The following CD58 variants were observed in gnomAD, a reference collection of about 807,000 sequenced individuals.
The protein encoded by CD58 is CD58 molecule.
In CD58, 14 loss-of-function variants were observed where a neutral mutation model predicts 27.6. That is an observed-to-expected ratio of 0.51 (90% CI 0.34 to 0.79). CD58 has a LOEUF of 0.79. Ranked by LOEUF, CD58 falls within the 30% of genes least tolerant of loss-of-function variation. CD58 has a pLI of 0.02. For missense variants in CD58, 268 were observed against 301.7 expected (o/e 0.89, Z 0.83); for synonymous variants, 117 against 103.8 (o/e 1.13, Z -0.77).
In CD58 at chr1:116,519,036, CAG is replaced by C; in HGVS notation, c.743+193_743+194del. The C allele has an allele frequency of 1.6e-6, 2 of 1,249,880 alleles. No homozygotes were observed. The highest frequency in any genetic ancestry group is 1.6e-5 in the South Asian group (1 of 62,344). 77.4% of individuals were successfully genotyped at this position (1,249,880 alleles called of 1,614,324 possible). A position where few individuals can be genotyped will look rare whatever the true frequency, so the allele number is the denominator to read the frequency against. Reference sequence around the variant, plus strand: ...TGAGAGGGTTCCAGGAAACGATATGCAGAGAGTGGCTAGTGCAGTGCATGGCA... The same window carrying C: ...TGAGAGGGTTCCAGGAAACGATATGCAGAGTGGCTAGTGCAGTGCATGGCA... On this transcript the variant is annotated intron_variant, in intron 5 of 5. Transcript: ENST00000369489. This position sits in a 1 kb window ranked among gnomAD's most constrained non-coding sequence, Gnocchi z 4.7.
At chr1:116,533,760 G>C (rs1445639772) in intron 3 of CD58, 2 of 710,896 alleles carry the variant, frequency 2.8e-6, no homozygotes, top group East Asian at 2.8e-5. Flanking sequence ...CAACATCACC[G>C]GTGATAAATT....
chr1:116,547,427 G>A lies in CD58; in HGVS notation c.71-2823C>T, dbSNP rs144263049. 1.1e-4 allele frequency among the ~76,000 whole-genome samples: 16 copies of A among 150,672 alleles called. 1 individual carries two copies. Among genetic ancestry groups the A allele is most frequent in the Non-Finnish European group, 1.5e-4 (10 of 67,786 alleles). On this transcript the variant is annotated intron_variant, in intron 1 of 5. Transcript: ENST00000369489. ...TAAAAGTTCCACCTCCCAGGCTCACGCCATTCTCCTGCCTCAGCCTCCTGA... is the reference window on the plus strand; with the variant it reads ...TAAAAGTTCCACCTCCCAGGCTCACACCATTCTCCTGCCTCAGCCTCCTGA...
Position 116,559,770 on chromosome 1 carries a change from T to C in CD58, c.70+11133A>G, listed in dbSNP as rs1658697849. ...TCAACTTCTTTCTGTACTTTCCTTC[T>C]AATATGATGCTAAAATAGTTTCCTT... On this transcript the variant is annotated intron_variant, in intron 1 of 5. Coordinates refer to ENST00000369489, the MANE Select transcript of CD58 (RefSeq NM_001779.3). The surrounding 1 kb of genome is among the most constrained non-coding windows in gnomAD (Gnocchi z 4.4). 6.6e-6 allele frequency among the ~76,000 whole-genome samples: 1 copy of C among 152,236 alleles called. No individual in the cohort carries two copies. Among genetic ancestry groups the C allele is most frequent in the Non-Finnish European group, 1.5e-5 (1 of 68,050 alleles).
intron 2 of CD58, among the ~76,000 whole-genome samples, chr1:116,542,569 G>T (rs1309973525): frequency 6.6e-6 from 1 of 152,204 alleles, no homozygotes; most frequent in African/African-American, 2.4e-5. Flanking sequence ...GACAGCAGGT[G>T]GTGGTGGCTG....
intron 2 of CD58, among the ~76,000 whole-genome samples, chr1:116,542,242 C>T (rs990540158): frequency 1.3e-5 from 2 of 152,196 alleles, no homozygotes; most frequent in African/African-American, 2.4e-5. Context: ...CGCGCCATTG[C>T]ATTCCAGCCT....
intron 1 of CD58, among the ~76,000 whole-genome samples, chr1:116,547,634 T>A (rs557734740): frequency 2.6e-4 from 40 of 152,208 alleles, no homozygotes; most frequent in Non-Finnish European, 5.1e-4. Flanking sequence ...TGGCCTATTA[T>A]GTTCCTTTTT....
chr1:116,569,250 C>T (rs1659040843), intron 1 of CD58, among the ~76,000 whole-genome samples: 1 of 152,218 alleles, frequency 6.6e-6, no homozygotes. Flanking sequence ...CACATGAACT[C>T]CCCAGAGCTA....
rs1006557607 is a variant in CD58 at position 116,538,897 on chromosome 1, C to A, written c.365-2669G>T. On this transcript the variant is annotated intron_variant, in intron 2 of 5. Coordinates refer to ENST00000369489, the MANE Select transcript of CD58 (RefSeq NM_001779.3). This position sits in a 1 kb window ranked among gnomAD's most constrained non-coding sequence, Gnocchi z 4.7. ...ACAGTCTTCAAATAAAATGTAAATT[C>A]TTCTACCCGCTATCTCCAAAGAGGT... 2.0e-5 allele frequency among the ~76,000 whole-genome samples: 3 copies of A among 152,168 alleles called. No homozygotes were observed. Among genetic ancestry groups the A allele is most frequent in the Non-Finnish European group, 4.4e-5 (3 of 68,024 alleles).
chr1:116,544,750 CTT>C, intron 1 of CD58, 146 bp from the exon 2 acceptor site: 1 of 606,636 alleles, frequency 1.6e-6, no homozygotes, highest in South Asian at 2.2e-5. Flanking sequence ...GGAGCTTACT[CTT>C]TAATAGAAAA....
intron 5 of CD58, among the ~76,000 whole-genome samples, chr1:116,518,199 G>T (rs1657148160): frequency 6.6e-6 from 1 of 152,084 alleles, no homozygotes; most frequent in Non-Finnish European, 1.5e-5. Flanking sequence ...GCTGGCATTT[G>T]AACCAGGGAG....
Position 116,519,275 on chromosome 1 carries a change from T to C in CD58, c.707-8A>G. 5 of 1,609,602 alleles carry C rather than the reference T, an allele frequency of 3.1e-6. No individual in the cohort carries two copies. Among genetic ancestry groups the C allele is most frequent in the Non-Finnish European group, 4.2e-6 (5 of 1,177,310 alleles). On this transcript the variant is annotated splice_region_variant and splice_polypyrimidine_tract_variant and intron_variant, in intron 4 of 5. Transcript: ENST00000369489. This position sits in a 1 kb window ranked among gnomAD's most constrained non-coding sequence, Gnocchi z 4.7. ...TGTCACATTTCAGAATACCTAAAAA[T>C]GAAGAAATTGTCTTCTCAATTAAAG...
intron 1 of CD58, among the ~76,000 whole-genome samples, chr1:116,562,021 TA>T (rs200641589): frequency 1.3e-5 from 2 of 152,086 alleles, no homozygotes; most frequent in Non-Finnish European, 2.9e-5. Context: ...CTTTGCTAAA[TA>T]AAAAAACACA....
intron 5 of CD58, among the ~76,000 whole-genome samples, chr1:116,518,388 T>C (rs1657154737): frequency 6.6e-6 from 1 of 151,966 alleles, no homozygotes; most frequent in Non-Finnish European, 1.5e-5. Flanking sequence ...TCATCTCCTA[T>C]TAATTAGTCC....
rs1659110537 is a variant in CD58, at chr1:116,570,643, C to A, written c.70+260G>T. Among the ~76,000 whole-genome samples, 1 of 152,064 alleles carries A rather than the reference C, an allele frequency of 6.6e-6. No individual in the cohort carries two copies. ...GGCCGGCGGGGGGGCGCAGGCCCCG[C>A]AGGAGAGGCTAGCGGGCCGGAGCCC... On this transcript the variant is annotated intron_variant, in intron 1 of 5. Coordinates refer to ENST00000369489, the MANE Select transcript of CD58 (RefSeq NM_001779.3). The surrounding 1 kb of genome is among the most constrained non-coding windows in gnomAD (Gnocchi z 6.4).
intron 3 of CD58, chr1:116,533,944 T>A: frequency 7.0e-7 from 1 of 1,421,160 alleles, no homozygotes; most frequent in Non-Finnish European, 9.9e-7. Flanking sequence ...GGAAGGGGTG[T>A]GAGGGGCATT....
intron 1 of CD58, among the ~76,000 whole-genome samples, chr1:116,549,633 T>G (rs1028836542): frequency 1.3e-5 from 2 of 152,192 alleles, no homozygotes; most frequent in African/African-American, 4.8e-5. Flanking sequence ...TACATACAAC[T>G]TTACACTAAT....
Position 116,519,574 on chromosome 1 carries a change from T to C in CD58, c.707-307A>G, listed in dbSNP as rs1301032889. On this transcript the variant is annotated intron_variant, in intron 4 of 5. Transcript: ENST00000369489. The surrounding 1 kb of genome is among the most constrained non-coding windows in gnomAD (Gnocchi z 4.7). The stretch of plus-strand genomic sequence containing the variant: ...GCTAGAATAGTTTGGACCAGTGCTG[T>C]CCAATAGAAATATAATGCAAGCCAC... 6.6e-6 allele frequency among the ~76,000 whole-genome samples: 1 copy of C among 152,106 alleles called. No homozygotes were observed. Among genetic ancestry groups the C allele is most frequent in the African/African-American group, 2.4e-5 (1 of 41,402 alleles).
At chr1:116,565,471 A>G (rs1006345879) in intron 1 of CD58, among the ~76,000 whole-genome samples, 20 of 152,142 alleles carry the variant, frequency 1.3e-4, no homozygotes, top group Admixed American at 7.2e-4. Context: ...ACCCTCCCTG[A>G]CCACACTATG....
At chr1:116,560,340 T>A (rs1281178285) in intron 1 of CD58, among the ~76,000 whole-genome samples, 1 of 152,146 alleles carries the variant, frequency 6.6e-6, no homozygotes, top group Non-Finnish European at 1.5e-5. Context: ...AGGTTCTTAC[T>A]AGATCGGTTA....
Sources: allele counts gnomAD v4.1 joint callset (sites outside exome capture counted in the v4.1 genomes callset), GRCh38; gene constraint gnomAD v4.1.1; non-coding constraint Gnocchi (gnomAD v3.1); transcripts MANE v1.5; gene names NCBI Gene and HGNC (gene_info 2026-07-23, HGNC 2026-07-21).